Variants in LINS1 observed in about 807,000 individuals in gnomAD.
LINS1 encodes protein Lines homolog 1.
In LINS1, 27 loss-of-function variants were observed where a neutral mutation model predicts 41.6. The observed-to-expected ratio is 0.65, with a 90% confidence interval of 0.48 to 0.89. LINS1 has a LOEUF of 0.89. LINS1 is among the 40% of genes least tolerant of loss of function. LINS1 has a pLI of 0.00. For missense variants in LINS1, 955 were observed against 884.1 expected (o/e 1.08, Z -1.02); for synonymous variants, 336 against 312.9 (o/e 1.07, Z -0.78).
Position 100,575,137 on chromosome 15 carries a change from G to A in LINS1, c.490-9C>T, listed in dbSNP as rs750748930. ...GAATTACTTAAGGTTATCTACAAGT[G>A]AGAAAATAAAGCAAGCAGTTAAAAT... On this transcript the variant is annotated splice_polypyrimidine_tract_variant and intron_variant, in intron 3 of 6. Coordinates refer to ENST00000314742, the MANE Select transcript of LINS1 (RefSeq NM_001040616.3). 3 of 1,607,764 alleles carry A rather than the reference G, an allele frequency of 1.9e-6. No homozygotes were observed. Among genetic ancestry groups the A allele is most frequent in the East Asian group, 2.2e-5 (1 of 44,752 alleles).
In LINS1 at chr15:100,566,966, G is replaced by C. The variant is rs2037588384; in HGVS notation, c.*2272C>G. On this transcript the variant is annotated 3_prime_UTR_variant, in exon 7 of 7. Transcript: ENST00000314742. ...AACATTTATGTACCCTTAGGAACAAGAGTCGATTTTTTTTTCCCAGTTATT... is the reference window on the plus strand; with the variant it reads ...AACATTTATGTACCCTTAGGAACAACAGTCGATTTTTTTTTCCCAGTTATT... 6.6e-6 allele frequency: 1 copy of C among 152,180 alleles called. No individual in the cohort carries two copies. Among genetic ancestry groups the C allele is most frequent in the Non-Finnish European group, 1.5e-5 (1 of 68,038 alleles). The allele number at this position is 152,180 out of a possible 1,614,324, so 9.4% of individuals were successfully genotyped here.
At chr15:100,587,858 T>A (rs2038876747) in intron 1 of LINS1, among the ~76,000 whole-genome samples, 1 of 152,234 alleles carries the variant, frequency 6.6e-6, no homozygotes, top group African/African-American at 2.4e-5. Context: ...TTCTCCAAAA[T>A]TTGAAGCTAT....
At chr15:100,585,432 C>G (rs2038758199) in intron 1 of LINS1, among the ~76,000 whole-genome samples, 1 of 152,198 alleles carries the variant, frequency 6.6e-6, no homozygotes. Flanking sequence ...CTGTTCTGAG[C>G]AGGGGGCCTG....
intron 3 of LINS1, among the ~76,000 whole-genome samples, chr15:100,577,255 C>T (rs575335767): frequency 1.3e-5 from 2 of 152,302 alleles, no homozygotes; most frequent in South Asian, 4.1e-4. Context: ...TTGCAGATGA[C>T]ATGATTGTAT....
intron 1 of LINS1, among the ~76,000 whole-genome samples, chr15:100,599,103 G>A (rs2039364768): frequency 6.6e-6 from 1 of 152,204 alleles, no homozygotes; most frequent in South Asian, 2.1e-4. Flanking sequence ...TTCTGATTGA[G>A]TCAGGGTTTC....
chr15:100,576,194 T>C (rs935275432), intron 3 of LINS1, among the ~76,000 whole-genome samples: 3 of 151,876 alleles, frequency 2.0e-5, no homozygotes, highest in Admixed American at 6.6e-5. Flanking sequence ...CTGAAGGAGA[T>C]AGAGACACAA....
chr15:100,572,117 A>G, intron 5 of LINS1, 52 bp from the exon 6 acceptor site: 1 of 1,605,426 alleles, frequency 6.2e-7, no homozygotes, highest in South Asian at 1.1e-5. Flanking sequence ...GAATGAATGA[A>G]TATCTTGCCT....
chr15:100,580,182 A>C (rs188819351), intron 3 of LINS1, 81 bp downstream of exon 3: 3 of 1,075,424 alleles, frequency 2.8e-6, no homozygotes, highest in Non-Finnish European at 1.4e-6. Context: ...CAACACAGTG[A>C]GACCTTGTCT....
chr15:100,596,947 C>G (rs1287170139), intron 1 of LINS1: 1 of 152,230 alleles, frequency 6.6e-6, no homozygotes, highest in Non-Finnish European at 1.5e-5. Context: ...CACATTTAGT[C>G]AAGAAAAGGG....
rs183762555 is a variant in LINS1, at chr15:100,593,672, A to G, written c.-104+8449T>C. Among the ~76,000 whole-genome samples the G allele has an allele frequency of 5.9e-5, 9 of 152,274 alleles. 1 individual carries two copies. The East Asian group carries it at 1.2e-3, about 20-fold the overall frequency. On this transcript the variant is annotated intron_variant, in intron 1 of 6. Transcript: ENST00000314742. ...TCAGGATGTGAAGCCAGAAAATCTA[A>G]TATCAGAGCCTGTGTCCTTCACCAC... is the stretch of plus-strand genomic sequence containing the variant.
intron 3 of LINS1, among the ~76,000 whole-genome samples, chr15:100,578,272 T>G (rs529107543): frequency 6.6e-6 from 1 of 152,018 alleles, no homozygotes; most frequent in Non-Finnish European, 1.5e-5. Flanking sequence ...TGCAATCTAC[T>G]CATCTGACAA....
At position 100,578,599 on chromosome 15, in the gene LINS1, G is replaced by T. The variant is rs1415854893; in HGVS notation, c.489+1664C>A. On this transcript the variant is annotated intron_variant, in intron 3 of 6. Transcript: ENST00000314742. Reference sequence around the variant, plus strand: ...GTGGGACTGTAAACTAGTTCAACCAGCGTGGAAGACAGTGTGGCGATTCCT... The same window carrying T: ...GTGGGACTGTAAACTAGTTCAACCATCGTGGAAGACAGTGTGGCGATTCCT... Among the ~76,000 whole-genome samples the T allele has an allele frequency of 5.9e-5, 9 of 152,168 alleles. No homozygotes were observed. The South Asian group carries it at 8.3e-4, about 14-fold the overall frequency.
chr15:100,598,712 C>G (rs2039350442), intron 1 of LINS1, among the ~76,000 whole-genome samples: 1 of 152,248 alleles, frequency 6.6e-6, no homozygotes, highest in Non-Finnish European at 1.5e-5. Context: ...ATCGCCTTTT[C>G]TGCCAGGTAC....
chr15:100,569,136 A>AAAAAG lies in LINS1; in HGVS notation c.*97_*101dup. The AAAAAG allele has an allele frequency of 1.2e-6, 1 of 802,864 alleles. No homozygotes were observed. Among genetic ancestry groups the AAAAAG allele is most frequent in the Non-Finnish European group, 2.0e-6 (1 of 510,160 alleles). The allele number at this position is 802,864 out of a possible 1,614,324, so 49.7% of individuals were successfully genotyped here. A position where few individuals can be genotyped will look rare whatever the true frequency, so the allele number is the denominator to read the frequency against. ...AGATTCTGTCTCAAAAAAAAAAAAAAAAAAGAAAACCCTTTTATGGTGATG... is the reference window on the plus strand; with the variant it reads ...AGATTCTGTCTCAAAAAAAAAAAAAAAAAAGAAAAGAAAACCCTTTTATGGTGATG... On this transcript the variant is annotated 3_prime_UTR_variant, in exon 7 of 7. Coordinates refer to ENST00000314742, the MANE Select transcript of LINS1 (RefSeq NM_001040616.3).
At chr15:100,573,489 C>T (rs1040335000) in intron 5 of LINS1, 162 bp downstream of exon 5, 15 of 812,182 alleles carry the variant, frequency 1.8e-5, no homozygotes, top group Non-Finnish European at 2.5e-5. Flanking sequence ...AAAGGTAAAT[C>T]CAGTTCTTTT....
chr15:100,572,020 G>A lies in LINS1; in HGVS notation c.1268C>T (p.Pro423Leu). ...FMSELLTFLK[P>L]HLQPSLQLHN... ...TAATTGCAGAGAGGGCTGAAGATGA[G>A]GCTTTAAGAAGGTCAGTAACTCAGA... The change falls in exon 6 of 7, where the codon CCT (proline) becomes CTT (leucine). Residue 423 changes from proline to leucine, a missense_variant. Pro to Leu is a moderately conservative substitution (Grantham distance 98). Coordinates refer to ENST00000314742, the MANE Select transcript of LINS1 (RefSeq NM_001040616.3). 1 of 1,614,116 alleles carries A rather than the reference G, an allele frequency of 6.2e-7. No individual in the cohort carries two copies. Among genetic ancestry groups the A allele is most frequent in the Non-Finnish European group, 8.5e-7 (1 of 1,180,028 alleles).
intron 1 of LINS1, among the ~76,000 whole-genome samples, chr15:100,587,353 A>G (rs2038855547): frequency 6.6e-6 from 1 of 151,956 alleles, no homozygotes; most frequent in Non-Finnish European, 1.5e-5. Flanking sequence ...GAATTTCTTG[A>G]TTGCACAGGA....
intron 3 of LINS1, chr15:100,576,636 T>C (rs2038201041): frequency 6.6e-6 from 1 of 152,204 alleles, no homozygotes; most frequent in African/African-American, 2.4e-5. Flanking sequence ...ACTATTCCAA[T>C]CAACAGAAAA....
At chr15:100,594,575 T>C (rs2039168706) in intron 1 of LINS1, among the ~76,000 whole-genome samples, 3 of 152,072 alleles carry the variant, frequency 2.0e-5, no homozygotes, top group African/African-American at 7.2e-5. Flanking sequence ...GTGTGGTATT[T>C]GCATATAATC....
Sources: allele counts gnomAD v4.1 joint callset (sites outside exome capture counted in the v4.1 genomes callset), GRCh38; gene constraint gnomAD v4.1.1; transcripts MANE v1.5; gene names NCBI Gene and HGNC (gene_info 2026-07-23, HGNC 2026-07-21).